Variants in LIMS1 observed in about 807,000 individuals in gnomAD.
LIMS1 encodes LIM and senescent cell antigen-like-containing domain protein 1.
Under a neutral mutation model 44.1 loss-of-function variants are expected in LIMS1, and 18 were observed. The observed-to-expected ratio is 0.41, with a 90% CI of 0.28 to 0.61. The LOEUF (loss-of-function observed/expected upper bound fraction) is 0.61. Among genes scored for constraint, LIMS1 ranks in the 20% least tolerant of loss-of-function variants. The probability of loss-of-function intolerance (pLI) is 0.32; values close to 1 mark genes in which losing one functional copy is unlikely to be tolerated. For synonymous variants in LIMS1, 93 were observed against 149.1 expected, an observed-to-expected ratio of 0.62 and a Z score of 2.74; for missense variants, 201 against 422.0, an observed-to-expected ratio of 0.48 and a Z score of 4.59.
At chr2:108,560,609 C>G (rs571389065) in intron 1 of LIMS1, among the ~76,000 whole-genome samples, 15 of 152,038 alleles carry the variant, frequency 9.9e-5, no homozygotes, top group African/African-American at 2.9e-4. Context: ...CCTGATTGCC[C>G]CCTCCCTGCT....
chr2:108,638,437 A>G (rs576064178), intron 1 of LIMS1, among the ~76,000 whole-genome samples: 28 of 152,224 alleles, frequency 1.8e-4, no homozygotes, highest in African/African-American at 6.7e-4. Flanking sequence ...GCTTGGTGCC[A>G]TGAGGGGTAT....
intron 1 of LIMS1, among the ~76,000 whole-genome samples, chr2:108,609,288 C>T (rs1687455651): frequency 6.6e-6 from 1 of 152,152 alleles, no homozygotes; most frequent in South Asian, 2.1e-4. Flanking sequence ...CCTCTGGAGT[C>T]TTCTCTTCCC....
At chr2:108,676,355 G>T (rs1314788598) in intron 6 of LIMS1, among the ~76,000 whole-genome samples, 1 of 152,138 alleles carries the variant, frequency 6.6e-6, no homozygotes, top group Non-Finnish European at 1.5e-5. Context: ...TCCTTTATAG[G>T]TGCTACTGAG....
At chr2:108,623,219 T>C (rs114636875) in intron 1 of LIMS1, among the ~76,000 whole-genome samples, 56,176 of 150,348 alleles carry the variant, frequency 0.37, 10,947 homozygotes, top group Middle Eastern at 0.51. Context: ...TATGCCTGGA[T>C]TTTTTTTTTA....
At chr2:108,622,401 C>T (rs982738557) in intron 1 of LIMS1, among the ~76,000 whole-genome samples, 3 of 152,094 alleles carry the variant, frequency 2.0e-5, no homozygotes, top group Non-Finnish European at 4.4e-5. Flanking sequence ...GCTTCAACTT[C>T]TCTATTAAAT....
At chr2:108,651,438 A>T (rs1285610069) in intron 1 of LIMS1, among the ~76,000 whole-genome samples, 1 of 152,286 alleles carries the variant, frequency 6.6e-6, no homozygotes, top group Non-Finnish European at 1.5e-5. Context: ...AAGAAAGGCC[A>T]AGAGGAGAGA....
Position 108,558,555 on chromosome 2 carries a change from A to G in LIMS1, c.32+23961A>G, listed in dbSNP as rs535938703. On this transcript the variant is annotated intron_variant, in intron 1 of 9. Transcript: ENST00000544547. Reference sequence around the variant, plus strand: ...CTCTAAATGCCTTTGTTGCACTGGCATTTCTCGTCTTTTGTTAGATGTGAA... The same window carrying G: ...CTCTAAATGCCTTTGTTGCACTGGCGTTTCTCGTCTTTTGTTAGATGTGAA... Among the ~76,000 whole-genome samples, 78 of 152,084 alleles carry G rather than the reference A, an allele frequency of 5.1e-4. 2 individuals carry two copies. The South Asian group carries it at 8.3e-3, about 16-fold the overall frequency.
intron 1 of LIMS1, chr2:108,621,272 C>T: frequency 6.5e-7 from 1 of 1,530,764 alleles, no homozygotes; most frequent in South Asian, 1.2e-5. Flanking sequence ...GGTCCCTCGG[C>T]AAGGGACGCT....
chr2:108,578,098 A>G (rs1685738430), intron 1 of LIMS1, among the ~76,000 whole-genome samples: 1 of 152,118 alleles, frequency 6.6e-6, no homozygotes, highest in African/African-American at 2.4e-5. Context: ...TTTAGTAGAG[A>G]TGGGGTTTCA....
chr2:108,618,695 C>T (rs1453189406), intron 1 of LIMS1, among the ~76,000 whole-genome samples: 1 of 151,938 alleles, frequency 6.6e-6, no homozygotes, highest in Admixed American at 6.6e-5. Flanking sequence ...CGTGGTTGCG[C>T]GTGCCTATAA....
At chr2:108,661,043 C>A (rs1691328684) in intron 2 of LIMS1, among the ~76,000 whole-genome samples, 1 of 137,108 alleles carries the variant, frequency 7.3e-6, no homozygotes, top group Non-Finnish European at 1.5e-5. Flanking sequence ...ATTGGTAAGT[C>A]CATTGTATGC....
chr2:108,593,962 G>C (rs917579809), intron 1 of LIMS1, among the ~76,000 whole-genome samples: 6 of 152,188 alleles, frequency 3.9e-5, no homozygotes, highest in Non-Finnish European at 5.9e-5. Flanking sequence ...CCATGCACTT[G>C]AGGGGAAGGA....
At chr2:108,605,782 T>G (rs1198329814) in intron 1 of LIMS1, among the ~76,000 whole-genome samples, 3 of 152,188 alleles carry the variant, frequency 2.0e-5, no homozygotes, top group African/African-American at 7.2e-5. Flanking sequence ...AAGAGCAACT[T>G]GGAAAGAAAA....
At chr2:108,534,650 C>T (rs1684053998) in intron 1 of LIMS1, 56 bp downstream of exon 1, 3 of 1,015,628 alleles carry the variant, frequency 3.0e-6, no homozygotes, top group Admixed American at 1.2e-4. Context: ...CCCGGCGGGC[C>T]TTCGGGCCGG....
At chr2:108,655,295 C>T (rs1468573261) in intron 1 of LIMS1, 1 of 671,192 alleles carries the variant, frequency 1.5e-6, no homozygotes, top group Admixed American at 2.9e-5. Context: ...CTTCCAGGTC[C>T]AGCGTTCTTG....
At chr2:108,631,550 C>CT (rs67517304) in intron 1 of LIMS1, among the ~76,000 whole-genome samples, 195 of 143,032 alleles carry the variant, frequency 1.4e-3, no homozygotes, top group Middle Eastern at 3.8e-3. Context: ...ACCGTGTTGC[C>CT]TTTTTTTTTT....
chr2:108,627,964 C>T (rs1218509700), intron 1 of LIMS1, among the ~76,000 whole-genome samples: 1 of 152,180 alleles, frequency 6.6e-6, no homozygotes, highest in Non-Finnish European at 1.5e-5. Flanking sequence ...AATTTGTTGT[C>T]GTAGATTTCT....
intron 1 of LIMS1, among the ~76,000 whole-genome samples, chr2:108,615,733 G>A (rs531490133): frequency 6.6e-6 from 1 of 152,288 alleles, no homozygotes; most frequent in African/African-American, 2.4e-5. Flanking sequence ...AAGGAGAAAA[G>A]TGTGCTTAGT....
exon 1 of LIMS1, chr2:108,534,355 A>G (rs1318981157): frequency 6.7e-5 from 13 of 195,310 alleles, no homozygotes; most frequent in Non-Finnish European, 1.2e-4. Context: ...CTCCTTGCCC[A>G]GCCGCTCCCG....
Sources: allele counts gnomAD v4.1 joint callset (sites outside exome capture counted in the v4.1 genomes callset), GRCh38; gene constraint gnomAD v4.1.1; transcripts MANE v1.5; gene names NCBI Gene and HGNC (gene_info 2026-07-23, HGNC 2026-07-21).